Variants in DNM3 observed in about 807,000 individuals in gnomAD.
DNM3 encodes the protein dynamin 3.
A neutral mutation model predicts 101.6 loss-of-function variants in DNM3; 47 were observed. The ratio of observed to expected loss-of-function variants is 0.46; its 90% confidence interval spans 0.37 to 0.59. The LOEUF (loss-of-function observed/expected upper bound fraction) is 0.59. Ranked by LOEUF, DNM3 falls within the 20% of genes least tolerant of loss-of-function variation. The probability of loss-of-function intolerance (pLI) is 0.00; values close to 1 mark genes in which losing one functional copy is unlikely to be tolerated. For missense variants in DNM3, 849 were observed against 1,085.7 expected (o/e 0.78, Z 3.06); for synonymous variants, 385 against 387.9 (o/e 0.99, Z 0.09).
At chr1:172,261,938 G>A (rs190489818) in intron 15 of DNM3, among the ~76,000 whole-genome samples, 29 of 152,302 alleles carry the variant, frequency 1.9e-4, no homozygotes, top group South Asian at 1.2e-3. Flanking sequence ...AGTGATGCCC[G>A]TGTCCCTGGA....
At chr1:172,100,178 C>T (rs1181635774) in intron 13 of DNM3, among the ~76,000 whole-genome samples, 1 of 152,172 alleles carries the variant, frequency 6.6e-6, no homozygotes, top group Non-Finnish European at 1.5e-5. Context: ...TAACTTTAGA[C>T]TGGAATATGA....
chr1:171,935,859 C>A (rs1425555784), intron 2 of DNM3, among the ~76,000 whole-genome samples: 1 of 128,274 alleles, frequency 7.8e-6, no homozygotes, highest in Non-Finnish European at 1.6e-5. Context: ...TTTCTCAATA[C>A]CTGATCTTAC....
At chr1:172,163,984 CACAT>C (rs958644682) in intron 14 of DNM3, among the ~76,000 whole-genome samples, 8 of 142,304 alleles carry the variant, frequency 5.6e-5, no homozygotes, top group Non-Finnish European at 1.2e-4. Context: ...CACACACACA[CACAT>C]CTCACATTTT....
chr1:172,002,208 T>C (rs1038773167), intron 4 of DNM3, among the ~76,000 whole-genome samples: 7 of 152,074 alleles, frequency 4.6e-5, no homozygotes, highest in African/African-American at 1.7e-4. Flanking sequence ...CAAATGCTAC[T>C]TGATATTTAT....
intron 10 of DNM3, among the ~76,000 whole-genome samples, chr1:172,052,135 G>A (rs2050248254): frequency 6.6e-6 from 1 of 152,088 alleles, no homozygotes; most frequent in Non-Finnish European, 1.5e-5. Flanking sequence ...AGGTTTCGCA[G>A]AAAAAATAGG....
intron 13 of DNM3, among the ~76,000 whole-genome samples, chr1:172,118,724 T>C (rs1355900112): frequency 6.6e-6 from 1 of 152,132 alleles, no homozygotes; most frequent in African/African-American, 2.4e-5. Context: ...CAACTCTTAG[T>C]GACGTTTCCC....
intron 14 of DNM3, among the ~76,000 whole-genome samples, chr1:172,241,591 C>A (rs1257177287): frequency 1.3e-5 from 2 of 152,050 alleles, no homozygotes; most frequent in Non-Finnish European, 2.9e-5. Context: ...ATTGGGAGGG[C>A]AAACTTGCAG....
At chr1:172,050,870 T>C (rs959526036) in intron 10 of DNM3, among the ~76,000 whole-genome samples, 1 of 152,086 alleles carries the variant, frequency 6.6e-6, no homozygotes, top group African/African-American at 2.4e-5. Flanking sequence ...GTGTTTATGG[T>C]ATGCATGAAT....
downstream of DNM3, among the ~76,000 whole-genome samples, chr1:172,413,708 T>C (rs1027540805): frequency 2.0e-5 from 3 of 152,166 alleles, no homozygotes; most frequent in Non-Finnish European, 2.9e-5. Context: ...AAGAAGGTGA[T>C]AGGAGGAGAG....
intron 4 of DNM3, among the ~76,000 whole-genome samples, chr1:172,005,752 C>T (rs994860770): frequency 8.6e-5 from 13 of 152,040 alleles, no homozygotes; most frequent in Non-Finnish European, 1.8e-4. Flanking sequence ...ATGAAAATCA[C>T]GTTCCTATTT....
chr1:172,378,415 G>T (rs935591294), intron 17 of DNM3, among the ~76,000 whole-genome samples: 2 of 152,046 alleles, frequency 1.3e-5, no homozygotes, highest in African/African-American at 4.8e-5. Flanking sequence ...TTTCACAATG[G>T]AGCCAGTCTT....
rs759953298 is a variant in DNM3, at chr1:172,408,378, A to T, written c.*537A>T. 328 of 985,942 alleles carry T rather than the reference A, an allele frequency of 3.3e-4. No homozygotes were observed. Among genetic ancestry groups the T allele is most frequent in the Non-Finnish European group, 3.9e-4 (325 of 830,450 alleles). 61.1% of individuals were successfully genotyped at this position (985,942 alleles called of 1,614,324 possible). A position where few individuals can be genotyped will look rare whatever the true frequency, so the allele number is the denominator to read the frequency against. Reference sequence around the variant, plus strand: ...TAGGAAGTGATTTTTTAAAATTAGGACTCCTTAAGAATAAACTTTTCCAGA... The same window carrying T: ...TAGGAAGTGATTTTTTAAAATTAGGTCTCCTTAAGAATAAACTTTTCCAGA... On this transcript the variant is annotated 3_prime_UTR_variant, in exon 21 of 21. Transcript: ENST00000627582.
intron 11 of DNM3, among the ~76,000 whole-genome samples, chr1:172,079,425 G>A (rs1265212361): frequency 6.6e-6 from 1 of 151,522 alleles, no homozygotes; most frequent in Non-Finnish European, 1.5e-5. Context: ...ATTGATACTT[G>A]TGTATGCTTC....
At chr1:172,143,108 G>C (rs1475108770) in intron 14 of DNM3, among the ~76,000 whole-genome samples, 1 of 152,134 alleles carries the variant, frequency 6.6e-6, no homozygotes, top group East Asian at 1.9e-4. Flanking sequence ...GATCAGAAGG[G>C]TAATTTTTAA....
intron 1 of DNM3, among the ~76,000 whole-genome samples, chr1:171,882,801 T>C (rs1020553537): frequency 6.6e-6 from 1 of 152,092 alleles, no homozygotes; most frequent in Non-Finnish European, 1.5e-5. Flanking sequence ...TGATTCAATA[T>C]TTTTTATCAA....
rs200977349 is a variant in DNM3 at position 172,048,717 on chromosome 1, A to G, written c.1302A>G (p.Glu434=). ...SLKSVDLVIQ[E]LINTVKKCTK... ...AGAGTGTGGATCTGGTAATACAAGA[A>G]TTAATCAACACTGTGAAGAAGTGTA... Residue 434 remains glutamate, a synonymous_variant, in exon 10 of 21, where the codon GAA becomes GAG. Transcript: ENST00000627582. The G allele has an allele frequency of 4.8e-5, 77 of 1,612,596 alleles. No individual in the cohort carries two copies. The Admixed American group carries it at 1.2e-3, about 25-fold the overall frequency.
At chr1:171,935,716 G>A (rs1165039454) in intron 2 of DNM3, among the ~76,000 whole-genome samples, 3 of 141,478 alleles carry the variant, frequency 2.1e-5, no homozygotes, top group Non-Finnish European at 4.6e-5. Context: ...CTAGAAATTA[G>A]TCATGGTTGG....
At chr1:172,402,101 G>T (rs2070533994) in intron 20 of DNM3, among the ~76,000 whole-genome samples, 1 of 152,080 alleles carries the variant, frequency 6.6e-6, no homozygotes, top group Admixed American at 6.6e-5. Context: ...AAGAGGCGTA[G>T]GAGTAATCTT....
intron 14 of DNM3, among the ~76,000 whole-genome samples, chr1:172,151,381 C>A (rs1020080468): frequency 1.3e-5 from 2 of 152,116 alleles, no homozygotes; most frequent in African/African-American, 4.8e-5. Flanking sequence ...GGTTTCTATT[C>A]GAGTGGAGCT....
Sources: gnomAD v4.1 joint callset for allele counts (sites outside exome capture counted in the v4.1 genomes callset) on GRCh38, gnomAD v4.1.1 for gene constraint, MANE v1.5 for transcripts, NCBI Gene and HGNC (gene_info 2026-07-23, HGNC 2026-07-21) for gene names.